Variants in MAP2K5 observed in about 807,000 individuals in gnomAD.
The protein encoded by MAP2K5 is dual specificity mitogen-activated protein kinase kinase 5.
MAP2K5 carries 49 observed loss-of-function variants against 83.1 expected under a neutral mutation model. That is an observed-to-expected ratio of 0.59 (90% CI 0.47 to 0.75). MAP2K5 has a LOEUF of 0.75. MAP2K5 is among the 30% of genes least tolerant of loss of function. The pLI is 0.00. For synonymous variants in MAP2K5, 202 were observed against 191.8 expected (o/e 1.05, Z -0.44); for missense variants, 457 against 557.5 (o/e 0.82, Z 1.82).
At chr15:67,806,316 G>A (rs1422487864) in intron 21 of MAP2K5, among the ~76,000 whole-genome samples, 1 of 152,236 alleles carries the variant, frequency 6.6e-6, no homozygotes, top group Non-Finnish European at 1.5e-5. Context: ...GAGTGATGCC[G>A]GGCAGAGGAA....
rs532019717 is a variant in MAP2K5, at chr15:67,804,092, G to A, written c.1243-2554G>A. Among the ~76,000 whole-genome samples, 6 of 152,222 alleles carry A rather than the reference G, an allele frequency of 3.9e-5. No individual in the cohort carries two copies. In the South Asian group the frequency reaches 8.3e-4, roughly 21 times the overall value. ...CCGTGTGGACCCTGCAGGCAGAGAC[G>A]CTGCCAGGCTCTGGGTGTAATGGCC... is the stretch of plus-strand genomic sequence containing the variant. On this transcript the variant is annotated intron_variant, in intron 21 of 21. Coordinates refer to ENST00000178640, the MANE Select transcript of MAP2K5 (RefSeq NM_145160.3).
At chr15:67,592,752 G>A (rs1329026164) in intron 6 of MAP2K5, among the ~76,000 whole-genome samples, 174 bp from the exon 7 acceptor site, 1 of 152,064 alleles carries the variant, frequency 6.6e-6, no homozygotes, top group Non-Finnish European at 1.5e-5. Context: ...CTCTTTATTT[G>A]ATACCTTTTG....
At chr15:67,654,983 T>G (rs909695776) in intron 11 of MAP2K5, among the ~76,000 whole-genome samples, 4 of 151,370 alleles carry the variant, frequency 2.6e-5, no homozygotes, top group Non-Finnish European at 5.9e-5. Context: ...GAGAATAGCT[T>G]GAATCCAGGA....
At chr15:67,590,442 C>G in intron 6 of MAP2K5, among the ~76,000 whole-genome samples, 1 of 5,824 alleles carries the variant, frequency 1.7e-4, no homozygotes, top group Non-Finnish European at 5.2e-4. Context: ...TCTCTCCCTC[C>G]CTCCCTCTCT....
chr15:67,740,561 C>T (rs571857271), intron 17 of MAP2K5, among the ~76,000 whole-genome samples: 2 of 152,016 alleles, frequency 1.3e-5, no homozygotes, highest in African/African-American at 4.8e-5. Context: ...CCACTGCACC[C>T]CATCTTGAGC....
chr15:67,735,300 T>A (rs959665140), intron 17 of MAP2K5, among the ~76,000 whole-genome samples: 10 of 152,226 alleles, frequency 6.6e-5, no homozygotes, highest in Non-Finnish European at 7.4e-5. Flanking sequence ...GTGAAATTCT[T>A]CATTAAAGAT....
intron 8 of MAP2K5, among the ~76,000 whole-genome samples, chr15:67,609,937 G>A (rs2085879876): frequency 6.6e-6 from 1 of 151,886 alleles, no homozygotes; most frequent in Non-Finnish European, 1.5e-5. Context: ...GTGTAGAGAT[G>A]GACAGGGCTT....
intron 12 of MAP2K5, 53 bp from the exon 13 acceptor site, chr15:67,664,544 C>T: frequency 8.6e-7 from 1 of 1,168,198 alleles, no homozygotes; most frequent in Non-Finnish European, 1.3e-6. Context: ...ATGGAAAGTT[C>T]CTTTTAAAAA....
chr15:67,697,809 C>T (rs2088304271), intron 15 of MAP2K5, among the ~76,000 whole-genome samples: 1 of 152,152 alleles, frequency 6.6e-6, no homozygotes, highest in Non-Finnish European at 1.5e-5. Context: ...TGTGAATAAT[C>T]TCACTTAATC....
At chr15:67,617,757 T>A (rs2141058702) in intron 8 of MAP2K5, among the ~76,000 whole-genome samples, 1 of 152,314 alleles carries the variant, frequency 6.6e-6, no homozygotes, top group African/African-American at 2.4e-5. Context: ...AGTGATACGA[T>A]CATGGCTTAC....
intron 4 of MAP2K5, among the ~76,000 whole-genome samples, chr15:67,585,517 TC>T (rs1312673138): frequency 3.3e-5 from 5 of 152,188 alleles, no homozygotes; most frequent in Admixed American, 2.6e-4. Flanking sequence ...CACAAAAAAA[TC>T]CCTTAGCTCT....
At position 67,639,351 on chromosome 15, in the gene MAP2K5, T is replaced by C. The variant is rs80347963; in HGVS notation, c.586-6880T>C. Reference sequence around the variant, plus strand: ...CTCAGTAAATAGAAGCTACCATTTATTGATGATTTATACAATGCTAAGCAT... The same window carrying C: ...CTCAGTAAATAGAAGCTACCATTTACTGATGATTTATACAATGCTAAGCAT... On this transcript the variant is annotated intron_variant, in intron 9 of 21. Transcript: ENST00000178640. 3.4e-3 allele frequency among the ~76,000 whole-genome samples: 512 copies of C among 152,364 alleles called. 12 individuals carry two copies. The East Asian group carries it at 0.061, about 18-fold the overall frequency.
chr15:67,715,253 T>C (rs3784699), intron 16 of MAP2K5, among the ~76,000 whole-genome samples: 83,496 of 151,164 alleles, frequency 0.55, 23,794 homozygotes, highest in Non-Finnish European at 0.6. Context: ...GGGTCTAAAA[T>C]TGTGTGTAAC....
chr15:67,641,369 G>C (rs550546812), intron 9 of MAP2K5: 4 of 394,992 alleles, frequency 1.0e-5, no homozygotes, highest in African/African-American at 8.8e-5. Context: ...CAATTATGTC[G>C]CCATAGATTA....
intron 16 of MAP2K5, among the ~76,000 whole-genome samples, chr15:67,704,820 T>C (rs1212931723): frequency 6.6e-6 from 1 of 152,208 alleles, no homozygotes; most frequent in Admixed American, 6.5e-5. Flanking sequence ...CTTTTGCATA[T>C]TTTAAATTGT....
At chr15:67,624,614 TGTGTGTGTGTGTGTGTGTGTGTGTGA>T (rs2086269906) in intron 8 of MAP2K5, among the ~76,000 whole-genome samples, 1 of 150,708 alleles carries the variant, frequency 6.6e-6, no homozygotes. Context: ...TGTGTGTGTG[TGTGTGTGTGTGTGTGTGTGTGTGTGA>T]GTGTGTTTGA....
intron 9 of MAP2K5, among the ~76,000 whole-genome samples, chr15:67,639,565 T>C (rs2086669741): frequency 6.6e-6 from 1 of 152,212 alleles, no homozygotes; most frequent in South Asian, 2.1e-4. Flanking sequence ...CCGGCGCTGC[T>C]CACTGCTCTC....
rs1322663740 is a variant in MAP2K5 at position 67,774,957 on chromosome 15, G to T, written c.1242+2205G>T. Among the ~76,000 whole-genome samples, 2 of 152,214 alleles carry T rather than the reference G, an allele frequency of 1.3e-5. No homozygotes were observed. Among genetic ancestry groups the T allele is most frequent in the Non-Finnish European group, 2.9e-5 (2 of 68,036 alleles). ...GCAGCTGGAAATACTGGAAGTTATA[G>T]ATTCACTATTTGGGAACTCTTATAT... On this transcript the variant is annotated intron_variant, in intron 21 of 21. Transcript: ENST00000178640. The surrounding 1 kb of genome is among the most constrained non-coding windows in gnomAD (Gnocchi z 4.9).
At chr15:67,686,754 T>G (rs1001060958) in intron 13 of MAP2K5, among the ~76,000 whole-genome samples, 5 of 152,148 alleles carry the variant, frequency 3.3e-5, no homozygotes, top group African/African-American at 4.8e-5. Context: ...GACTGTAAAG[T>G]TTTTAAACTT....
Sources: allele counts gnomAD v4.1 joint callset (sites outside exome capture counted in the v4.1 genomes callset), GRCh38; gene constraint gnomAD v4.1.1; non-coding constraint Gnocchi (gnomAD v3.1); transcripts MANE v1.5; gene names NCBI Gene and HGNC (gene_info 2026-07-23, HGNC 2026-07-21).